SNAPC2: variants seen among roughly 807,000 people sequenced by gnomAD.
The protein encoded by SNAPC2 is small nuclear RNA activating complex polypeptide 2, also known as snRNA-activating protein complex subunit 2.
In SNAPC2, 27 loss-of-function variants were observed where a neutral mutation model predicts 22.9. The ratio of observed to expected loss-of-function variants is 1.18; its 90% CI spans 0.87 to 1.63. The LOEUF (loss-of-function observed/expected upper bound fraction) is 1.63, where lower values mean the gene tolerates loss of function less well. Ranked by LOEUF, SNAPC2 falls within the 40% of genes most tolerant of loss-of-function variation. SNAPC2 has a pLI of 0.00. For synonymous variants in SNAPC2, 272 were observed against 201.0 expected, an observed-to-expected ratio of 1.35 and a Z score of -2.99; for missense variants, 570 against 449.1, an observed-to-expected ratio of 1.27 and a Z score of -2.43.
At position 7,921,968 on chromosome 19, in the gene SNAPC2, G is replaced by A. The variant is rs1316102353; in HGVS notation, c.373-67G>A. The A allele has an allele frequency of 3.3e-6, 5 of 1,517,058 alleles. No individual in the cohort carries two copies. In the African/African-American group the frequency reaches 4.1e-5, roughly 13 times the overall value. The allele number at this position is 1,517,058 out of a possible 1,614,324, so 94.0% of individuals were successfully genotyped here. ...AGCATCTTAGGGTGGCAGGGAGGAT[G>A]GGGGAATGTGTAGACGGTGAGAAGA... On this transcript the variant is annotated intron_variant, in intron 3 of 4. Coordinates refer to ENST00000221573, the MANE Select transcript of SNAPC2 (RefSeq NM_003083.4).
Position 7,921,099 on chromosome 19 carries a change from T to TG in SNAPC2, c.184-322dup, listed in dbSNP as rs1223829428. On this transcript the variant is annotated intron_variant, in intron 1 of 4. Transcript: ENST00000221573. ...CCGGGCGAAAAGCAACGCATGCTGTTGGACAGGATACGAGCTTGAAGTGAG... is the reference window on the plus strand; with the variant it reads ...CCGGGCGAAAAGCAACGCATGCTGTTGGGACAGGATACGAGCTTGAAGTGAG... The TG allele has an allele frequency of 1.5e-5, 19 of 1,250,580 alleles. No homozygotes were observed. In the African/African-American group the frequency reaches 2.6e-4, roughly 17 times the overall value. 77.5% of individuals were successfully genotyped at this position (1,250,580 alleles called of 1,614,324 possible).
chr19:7,921,085 G>C (rs1983553935), intron 1 of SNAPC2: 1 of 1,208,656 alleles, frequency 8.3e-7, no homozygotes, highest in Middle Eastern at 3.4e-4. Context: ...CGGGCGAAAA[G>C]CAACGCATGC....
chr19:7,921,593 A>G, intron 2 of SNAPC2, 51 bp downstream of exon 2: 1 of 1,603,224 alleles, frequency 6.2e-7, no homozygotes, highest in Non-Finnish European at 8.5e-7. Flanking sequence ...CCTGGTGGGT[A>G]GGTGGGAGTT....
In SNAPC2 at chr19:7,922,580, G is replaced by A. The variant is rs1203080220; in HGVS notation, c.821G>A (p.Ser274Asn). 1.9e-6 allele frequency: 3 copies of A among 1,613,574 alleles called. No homozygotes were observed. Among genetic ancestry groups the A allele is most frequent in the East Asian group, 4.5e-5 (2 of 44,874 alleles). Residue 274 changes from serine to asparagine, a missense_variant, in exon 5 of 5, where the codon AGC (serine) becomes AAC (asparagine). By Grantham distance (46) the Ser-to-Asn change is conservative (BLOSUM62 1). Transcript: ENST00000221573. ...CCCCAGCCCATTCCCGCTGGAGGGAGCCTGGGGCCTGCAGCAGAAGGGGAT... is the reference window on the plus strand; with the variant it reads ...CCCCAGCCCATTCCCGCTGGAGGGAACCTGGGGCCTGCAGCAGAAGGGGAT... ...TAPQPIPAGG[S>N]LGPAAEGDGA... is the part of the protein sequence containing the mutation.
At position 7,921,530 on chromosome 19, in the gene SNAPC2, A is replaced by G. The variant is rs1477524461; in HGVS notation, c.291A>G (p.Pro97=). The G allele has an allele frequency of 6.2e-7, 1 of 1,613,002 alleles. No individual in the cohort carries two copies. The highest frequency in any genetic ancestry group is 2.2e-5 in the East Asian group (1 of 44,882). ...QGPRRREAQP[P]APIEVWTDLA... ...CAAGGCGCCGGGAGGCACAGCCCCC[A>G]GCCCCCATAGAGGTGAGGCAGATGA... The change falls in exon 2 of 5, where the codon CCA becomes CCG. Residue 97 remains proline (P), a synonymous_variant. Coordinates refer to ENST00000221573, the MANE Select transcript of SNAPC2 (RefSeq NM_003083.4).
At position 7,922,430 on chromosome 19, in the gene SNAPC2, T is replaced by C; in HGVS notation, c.686-15T>C. On this transcript the variant is annotated splice_polypyrimidine_tract_variant and intron_variant, in intron 4 of 4. Transcript: ENST00000221573. ...CAGGGGTGTCCCCTTACCCCTCTCC[T>C]CCATCCATCACTAGAGTCCGCTGTG... 2 of 1,581,588 alleles carry C rather than the reference T, an allele frequency of 1.3e-6. No individual in the cohort carries two copies. Among genetic ancestry groups the C allele is most frequent in the Non-Finnish European group, 1.7e-6 (2 of 1,161,724 alleles).
At position 7,920,362 on chromosome 19, in the gene SNAPC2, G is replaced by A. The variant is rs905418374; in HGVS notation, c.-5G>A. 8 of 1,567,108 alleles carry A rather than the reference G, an allele frequency of 5.1e-6. No individual in the cohort carries two copies. Among genetic ancestry groups the A allele is most frequent in the East Asian group, 2.5e-5 (1 of 40,330 alleles). Reference sequence around the variant, plus strand: ...CCTTACAGCGCCTGCCTCTTTCTGAGCGGCATGAAGCCACCTCCCAGGCGG... The same window carrying A: ...CCTTACAGCGCCTGCCTCTTTCTGAACGGCATGAAGCCACCTCCCAGGCGG... On this transcript the variant is annotated 5_prime_UTR_variant, in exon 1 of 5. Transcript: ENST00000221573.
rs766336350 is a variant in SNAPC2 at position 7,920,402 on chromosome 19, G to C, written c.36G>C (p.Ala12=). ...CTCCCAGGCGGCGAGCGGCCCCGGC[G>C]CGCTATCTGGGCGAGGTGACCGGTC... The part of the protein sequence containing the change: ...KPPPRRRAAP[A]RYLGEVTGPA... The change falls in exon 1 of 5, where the codon GCG becomes GCC. Residue 12 remains alanine, a synonymous_variant. Transcript: ENST00000221573. 6.3e-7 allele frequency: 1 copy of C among 1,582,388 alleles called. No individual in the cohort carries two copies. Among genetic ancestry groups the C allele is most frequent in the Non-Finnish European group, 8.5e-7 (1 of 1,172,178 alleles).
Position 7,921,505 on chromosome 19 carries a change from C to G in SNAPC2, c.266C>G (p.Pro89Arg). 6.2e-7 allele frequency: 1 copy of G among 1,613,582 alleles called. No homozygotes were observed. Among genetic ancestry groups the G allele is most frequent in the Non-Finnish European group, 8.5e-7 (1 of 1,179,782 alleles). The change falls in exon 2 of 5, where the codon CCA becomes CGA. Residue 89 changes from proline to arginine, a missense_variant. Physicochemically the swap from Pro to Arg is moderately radical, Grantham distance 103. Coordinates refer to ENST00000221573, the MANE Select transcript of SNAPC2 (RefSeq NM_003083.4). ...GTGCATCCGGGTGGCCTTCAGGGAC[C>G]AAGGCGCCGGGAGGCACAGCCCCCA... is the stretch of plus-strand genomic sequence containing the variant. Reference protein sequence around the residue: ...QKVHPGGLQGPRRREAQPPAP... With the variant: ...QKVHPGGLQGRRRREAQPPAP...
intron 1 of SNAPC2, 81 bp from the exon 2 acceptor site, chr19:7,921,342 A>C: frequency 6.2e-7 from 1 of 1,602,770 alleles, no homozygotes; most frequent in Non-Finnish European, 8.5e-7. Flanking sequence ...GGCCCAGAGC[A>C]TACAAGGGAT....
In SNAPC2 at chr19:7,922,353, A is replaced by C; in HGVS notation, c.685+6A>C. ...CCCCGAGCTCTCAGCAGCTGGTGAG[A>C]AGGGTGAGGGAGGGGGCAGGAGCAG... is the stretch of plus-strand genomic sequence containing the variant. On this transcript the variant is annotated splice_donor_region_variant and intron_variant, in intron 4 of 4. Coordinates refer to ENST00000221573, the MANE Select transcript of SNAPC2 (RefSeq NM_003083.4). The C allele has an allele frequency of 1.2e-6, 2 of 1,611,554 alleles. No homozygotes were observed. The highest frequency in any genetic ancestry group is 1.7e-6 in the Non-Finnish European group (2 of 1,178,590).
At position 7,921,343 on chromosome 19, in the gene SNAPC2, T is replaced by TAC. The variant is rs1983562939; in HGVS notation, c.184-78_184-77dup. 11 of 1,603,674 alleles carry TAC rather than the reference T, an allele frequency of 6.9e-6. No individual in the cohort carries two copies. The South Asian group carries it at 1.2e-4, about 18-fold the overall frequency. ...AGGCGCAGTAGCGGGGCCCAGAGCA[T>TAC]ACAAGGGATTGGGCTTTGGCTTCTC... On this transcript the variant is annotated intron_variant, in intron 1 of 4. Transcript: ENST00000221573.
In SNAPC2 at chr19:7,921,461, C is replaced by T. The variant is rs1568288760; in HGVS notation, c.222C>T (p.Ala74=). ...VFLQQLKGRV[A]REAIQKVHPG... is the part of the protein sequence containing the mutation. Reference sequence around the variant, plus strand: ...TCCAGCAGCTCAAGGGCCGCGTAGCCCGGGAGGCCATTCAGAAAGTGCATC... The same window carrying T: ...TCCAGCAGCTCAAGGGCCGCGTAGCTCGGGAGGCCATTCAGAAAGTGCATC... Residue 74 remains alanine (A), a synonymous_variant, in exon 2 of 5, where the codon GCC becomes GCT. Transcript: ENST00000221573. 1.9e-6 allele frequency: 3 copies of T among 1,613,842 alleles called. No homozygotes were observed. The highest frequency in any genetic ancestry group is 2.2e-5 in the South Asian group (2 of 91,068).
In SNAPC2 at chr19:7,922,716, C is replaced by G. The variant is rs751711528; in HGVS notation, c.957C>G (p.Phe319Leu). ...CTGGGATCTGTCCCCTGAACCCGTT[C>G]CTGGTGCCCCTGGAGCTTCTGGGTC... ...QAAGICPLNP[F>L]LVPLELLGRA... The change falls in exon 5 of 5, where the codon TTC (phenylalanine) becomes TTG (leucine). Residue 319 changes from phenylalanine (F) to leucine (L), a missense_variant. Physicochemically the swap from Phe to Leu is conservative, Grantham distance 22. Coordinates refer to ENST00000221573, the MANE Select transcript of SNAPC2 (RefSeq NM_003083.4). 6.2e-7 allele frequency: 1 copy of G among 1,606,278 alleles called. No individual in the cohort carries two copies. The highest frequency in any genetic ancestry group is 8.5e-7 in the Non-Finnish European group (1 of 1,174,418).
intron 1 of SNAPC2, chr19:7,920,795 A>T (rs1490385465): frequency 1.7e-4 from 15 of 86,908 alleles, no homozygotes; most frequent in African/African-American, 2.9e-4. Flanking sequence ...GCGGGGCATA[A>T]GTGAAGCGGA....
At chr19:7,921,228 A>C (rs1983559326) in intron 1 of SNAPC2, 195 bp from the exon 2 acceptor site, 2 of 1,412,758 alleles carry the variant, frequency 1.4e-6, no homozygotes, top group South Asian at 1.5e-5. Flanking sequence ...CCTGGGCCTT[A>C]CAACTTCCTT....
At chr19:7,921,071 AGTCCGGG>A in intron 1 of SNAPC2, 2 of 1,193,780 alleles carry the variant, frequency 1.7e-6, no homozygotes, top group South Asian at 2.1e-5. Context: ...GATGCTGCCG[AGTCCGGG>A]CGAAAAGCAA....
rs769557821 is a variant in SNAPC2 at position 7,920,469 on chromosome 19, C to T, written c.103C>T (p.Leu35Phe). ...SAREKRQLVR[L>F]LQARQGQPEP... ...TCGCGAGAAGCGGCAGCTAGTGCGA[C>T]TCCTGCAGGCGCGGCAGGGCCAGCC... Residue 35 changes from leucine to phenylalanine, a missense_variant, in exon 1 of 5, where the codon CTC becomes TTC. By Grantham distance (22) the Leu-to-Phe change is conservative (BLOSUM62 0). Transcript: ENST00000221573. 2.1e-5 allele frequency: 32 copies of T among 1,534,282 alleles called. No individual in the cohort carries two copies. The highest frequency in any genetic ancestry group is 2.6e-5 in the Non-Finnish European group (30 of 1,148,874).
At position 7,922,472 on chromosome 19, in the gene SNAPC2, T is replaced by C. The variant is rs1454739662; in HGVS notation, c.713T>C (p.Met238Thr). The C allele has an allele frequency of 1.3e-6, 2 of 1,598,196 alleles. No individual in the cohort carries two copies. Among genetic ancestry groups the C allele is most frequent in the Non-Finnish European group, 1.7e-6 (2 of 1,169,988 alleles). The part of the protein sequence containing the change: ...AESAVVLDLL[M>T]SLPEELPLLP... ...TCCGCTGTGGTCCTCGACCTGCTCA[T>C]GTCACTTCCAGAGGAGCTGCCACTC... The change falls in exon 5 of 5, where the codon ATG (methionine) becomes ACG (threonine). Residue 238 changes from methionine (M) to threonine (T), a missense_variant. Physicochemically the swap from Met to Thr is moderately conservative, Grantham distance 81. Coordinates refer to ENST00000221573, the MANE Select transcript of SNAPC2 (RefSeq NM_003083.4).
Sources: allele counts gnomAD v4.1 joint callset, GRCh38; gene constraint gnomAD v4.1.1; transcripts MANE v1.5; gene names NCBI Gene and HGNC (gene_info 2026-07-23, HGNC 2026-07-21).